The following ZFYVE1 variants were observed in gnomAD, a reference collection of about 807,000 sequenced individuals.
The protein encoded by ZFYVE1 is zinc finger FYVE-type containing 1, also known as zinc finger FYVE domain-containing protein 1.
Under a neutral mutation model 74.4 loss-of-function variants are expected in ZFYVE1, and 30 were observed. That is an observed-to-expected ratio of 0.40 (90% confidence interval 0.30 to 0.55). ZFYVE1 has a LOEUF of 0.55. ZFYVE1 is among the 20% of genes least tolerant of loss of function. The pLI is 0.42. For synonymous variants in ZFYVE1, 335 were observed against 385.1 expected (o/e 0.87, Z 1.52); for missense variants, 703 against 1,011.6 (o/e 0.69, Z 4.14).
intron 4 of ZFYVE1, among the ~76,000 whole-genome samples, chr14:72,991,478 C>G (rs1173076282): frequency 6.6e-6 from 1 of 151,332 alleles, no homozygotes; most frequent in Non-Finnish European, 1.5e-5. Context: ...CGTGAGCCAC[C>G]GCGCCCGGCC....
chr14:72,972,104 C>T (rs1893049489), intron 11 of ZFYVE1, among the ~76,000 whole-genome samples: 1 of 152,118 alleles, frequency 6.6e-6, no homozygotes, highest in Non-Finnish European at 1.5e-5. Flanking sequence ...ACCCCAGCTA[C>T]TTGGAAGCCT....
intron 2 of ZFYVE1, among the ~76,000 whole-genome samples, chr14:73,021,674 G>C (rs1386636203): frequency 6.6e-6 from 1 of 152,128 alleles, no homozygotes; most frequent in Admixed American, 6.6e-5. Context: ...CAAAAATGCT[G>C]CTTGCAGTTA....
At chr14:73,005,731 T>C (rs940986201) in intron 2 of ZFYVE1, among the ~76,000 whole-genome samples, 1 of 152,194 alleles carries the variant, frequency 6.6e-6, no homozygotes, top group Non-Finnish European at 1.5e-5. Flanking sequence ...AAGCACTCGA[T>C]ACGTGAACCA....
At chr14:73,010,072 A>G (rs750702070) in intron 2 of ZFYVE1, among the ~76,000 whole-genome samples, 7 of 152,194 alleles carry the variant, frequency 4.6e-5, no homozygotes, top group Non-Finnish European at 8.8e-5. Flanking sequence ...ACAGAGCAAC[A>G]TGTCTCAAAA....
intron 2 of ZFYVE1, among the ~76,000 whole-genome samples, chr14:73,019,287 C>T (rs1894265355): frequency 6.6e-6 from 1 of 152,142 alleles, no homozygotes; most frequent in Admixed American, 6.6e-5. Context: ...GCTAAAATAA[C>T]CTCTATCTAT....
chr14:72,976,619 C>G (rs1893177411), intron 8 of ZFYVE1, among the ~76,000 whole-genome samples: 1 of 151,956 alleles, frequency 6.6e-6, no homozygotes, highest in South Asian at 2.1e-4. Context: ...CCTGTCTCTA[C>G]TAAAAATACA....
chr14:72,982,673 A>T (rs1169311726), intron 4 of ZFYVE1, among the ~76,000 whole-genome samples: 1 of 152,216 alleles, frequency 6.6e-6, no homozygotes, highest in Non-Finnish European at 1.5e-5. Context: ...CCAAGCTTCT[A>T]ACTTTCAGTC....
chr14:72,986,093 G>A (rs75956137), intron 4 of ZFYVE1, among the ~76,000 whole-genome samples: 3,298 of 152,292 alleles, frequency 0.022, 120 homozygotes, highest in African/African-American at 0.076. Context: ...TACAGCGTAA[G>A]GTTCTTACTG....
rs1281953779 is a variant in ZFYVE1 at position 72,970,184 on chromosome 14, A to G, written c.*698T>C. 1 of 176,202 alleles carries G rather than the reference A, an allele frequency of 5.7e-6. No homozygotes were observed. Among genetic ancestry groups the G allele is most frequent in the Admixed American group, 5.5e-5 (1 of 18,288 alleles). The allele number at this position is 176,202 out of a possible 1,614,324, so 10.9% of individuals were successfully genotyped here. A position where few individuals can be genotyped will look rare whatever the true frequency, so the allele number is the denominator to read the frequency against. Reference sequence around the variant, plus strand: ...GGACCAGGGACAGCACGGCCCCTGCATTTCTACTTCTCAGGGCCGAAGACC... The same window carrying G: ...GGACCAGGGACAGCACGGCCCCTGCGTTTCTACTTCTCAGGGCCGAAGACC... On this transcript the variant is annotated 3_prime_UTR_variant, in exon 12 of 12. Coordinates refer to ENST00000556143, the MANE Select transcript of ZFYVE1 (RefSeq NM_021260.4).
At position 72,970,850 on chromosome 14, in the gene ZFYVE1, G is replaced by A. The variant is rs1893013638; in HGVS notation, c.*32C>T. 6.2e-7 allele frequency: 1 copy of A among 1,607,900 alleles called. No individual in the cohort carries two copies. The highest frequency in any genetic ancestry group is 8.5e-7 in the Non-Finnish European group (1 of 1,175,206). On this transcript the variant is annotated 3_prime_UTR_variant, in exon 12 of 12. Coordinates refer to ENST00000556143, the MANE Select transcript of ZFYVE1 (RefSeq NM_021260.4). ...CTGTTTCTAACCCTGAGAACCTAAGGAATTGTGAAGGACTCGGAGAGGGGG... is the reference window on the plus strand; with the variant it reads ...CTGTTTCTAACCCTGAGAACCTAAGAAATTGTGAAGGACTCGGAGAGGGGG...
intron 5 of ZFYVE1, among the ~76,000 whole-genome samples, chr14:72,979,544 C>T (rs1184519615): frequency 6.6e-6 from 1 of 151,864 alleles, no homozygotes; most frequent in African/African-American, 2.4e-5. Context: ...ATCCCAGCTA[C>T]TCAGGAGGCT....
At position 72,974,062 on chromosome 14, in the gene ZFYVE1, A is replaced by G. The variant is rs1326742597; in HGVS notation, c.2101+18T>C. ...AACCCGCATCCACTACCCCCAAGAG[A>G]AGCACTGCCAGGCCCACCTAGTGGT... On this transcript the variant is annotated intron_variant, in intron 11 of 11. Coordinates refer to ENST00000556143, the MANE Select transcript of ZFYVE1 (RefSeq NM_021260.4). The G allele has an allele frequency of 6.2e-7, 1 of 1,612,088 alleles. No individual in the cohort carries two copies. The highest frequency in any genetic ancestry group is 8.5e-7 in the Non-Finnish European group (1 of 1,178,386).
intron 2 of ZFYVE1, among the ~76,000 whole-genome samples, chr14:73,018,847 G>A (rs1319023457): frequency 1.3e-5 from 2 of 151,950 alleles, no homozygotes; most frequent in Non-Finnish European, 2.9e-5. Context: ...AGGAGGCTGA[G>A]GCAGAACAAT....
intron 8 of ZFYVE1, among the ~76,000 whole-genome samples, chr14:72,976,498 A>G (rs748388313): frequency 5.9e-5 from 9 of 152,128 alleles, no homozygotes; most frequent in Non-Finnish European, 8.8e-5. Flanking sequence ...AAAAATAAGG[A>G]AATCGGCCGG....
chr14:72,992,945 A>T (rs1379997447), intron 4 of ZFYVE1, among the ~76,000 whole-genome samples, 198 bp downstream of exon 4: 3 of 152,134 alleles, frequency 2.0e-5, no homozygotes, highest in Non-Finnish European at 4.4e-5. Flanking sequence ...TTACTATCAC[A>T]TATGACTTCC....
chr14:73,012,279 C>T (rs1273667159), intron 2 of ZFYVE1, among the ~76,000 whole-genome samples: 1 of 152,030 alleles, frequency 6.6e-6, no homozygotes. Flanking sequence ...CAATGACCTA[C>T]CAATTACAAA....
intron 11 of ZFYVE1, among the ~76,000 whole-genome samples, chr14:72,973,360 G>T (rs893441390): frequency 9.9e-5 from 15 of 152,060 alleles, no homozygotes; most frequent in Non-Finnish European, 1.9e-4. Flanking sequence ...ATGGTGGCAC[G>T]TGCCTGTAAT....
At position 73,024,562 on chromosome 14, in the gene ZFYVE1, C is replaced by A; in HGVS notation, c.-54G>T. On this transcript the variant is annotated 5_prime_UTR_variant, in exon 2 of 12. Transcript: ENST00000556143. ...CATATAATAGTCACTGAGCTTGCCCCGGGGGTGAAGACGAAGATTTGAGTC... is the reference window on the plus strand; with the variant it reads ...CATATAATAGTCACTGAGCTTGCCCAGGGGGTGAAGACGAAGATTTGAGTC... 1 of 1,524,266 alleles carries A rather than the reference C, an allele frequency of 6.6e-7. No individual in the cohort carries two copies. Among genetic ancestry groups the A allele is most frequent in the South Asian group, 1.3e-5 (1 of 75,776 alleles). The allele number at this position is 1,524,266 out of a possible 1,614,324, so 94.4% of individuals were successfully genotyped here.
chr14:73,017,666 C>T (rs1894229482), intron 2 of ZFYVE1, among the ~76,000 whole-genome samples: 1 of 152,158 alleles, frequency 6.6e-6, no homozygotes, highest in Non-Finnish European at 1.5e-5. Context: ...AGCACTCCTA[C>T]TTTACCTACA....
Sources: allele counts gnomAD v4.1 joint callset (sites outside exome capture counted in the v4.1 genomes callset), GRCh38; gene constraint gnomAD v4.1.1; transcripts MANE v1.5; gene names NCBI Gene and HGNC (gene_info 2026-07-23, HGNC 2026-07-21).